The following ZNF558 variants were observed in gnomAD, a reference collection of about 807,000 sequenced individuals.
ZNF558 encodes the protein zinc finger protein 558.
ZNF558 carries 23 observed loss-of-function variants against 37.6 expected under a neutral mutation model. That is an observed-to-expected ratio of 0.61 (90% CI 0.44 to 0.87). The LOEUF (loss-of-function observed/expected upper bound fraction) is 0.87. Ranked by LOEUF, ZNF558 falls within the 40% of genes least tolerant of loss-of-function variation. ZNF558 has a pLI of 0.00. For missense variants in ZNF558, 429 were observed against 483.7 expected, an observed-to-expected ratio of 0.89 and a Z score of 1.06; for synonymous variants, 189 against 174.4, an observed-to-expected ratio of 1.08 and a Z score of -0.66.
upstream of ZNF558, among the ~76,000 whole-genome samples, chr19:8,833,708 G>A (rs1025486487): frequency 6.6e-6 from 1 of 152,088 alleles, no homozygotes; most frequent in Non-Finnish European, 1.5e-5. Flanking sequence ...CTAAGTGCTG[G>A]TTGGACCTGG....
chr19:8,828,932 C>A, intron 2 of ZNF558, among the ~76,000 whole-genome samples: 1 of 150,060 alleles, frequency 6.7e-6, no homozygotes, highest in Non-Finnish European at 1.5e-5. Flanking sequence ...CATTGCACTC[C>A]AGCCTGGGTG....
chr19:8,822,055 C>T lies in ZNF558; in HGVS notation c.68G>A (p.Gly23Glu). ...AACCAGCTCTCCGCCCTGTGTGTGT[C>T]CTTTTTGCTGAGAGGCTGGGAACAG... ...SSLFPASQQK[G>E]HTQGGELVNE... The change falls in exon 6 of 10, where the codon GGA becomes GAA. Residue 23 changes from glycine to glutamate, a missense_variant. Physicochemically the swap from Gly to Glu is moderately conservative, Grantham distance 98. Coordinates refer to ENST00000601372, the MANE Select transcript of ZNF558 (RefSeq NM_144693.3). This position sits in a 1 kb window ranked among gnomAD's most constrained non-coding sequence, Gnocchi z 4.4. The T allele has an allele frequency of 6.2e-7, 1 of 1,614,076 alleles. No homozygotes were observed. Among genetic ancestry groups the T allele is most frequent in the Non-Finnish European group, 8.5e-7 (1 of 1,179,970 alleles).
rs970770045 is a variant in ZNF558, at chr19:8,812,610, G to T, written c.377C>A (p.Thr126Asn). 1.2e-6 allele frequency: 2 copies of T among 1,604,466 alleles called. No homozygotes were observed. The highest frequency in any genetic ancestry group is 1.7e-6 in the Non-Finnish European group (2 of 1,177,696). The stretch of plus-strand genomic sequence containing the variant: ...TTTTCTGAAAACATTCTTCTTAGGA[G>T]TTAACCATTTGGCTTTAAGTAGAGT... ...LETLLKAKWL[T>N]PKKNVFRKEQ... The change falls in exon 9 of 10, where the codon ACT becomes AAT. Residue 126 changes from threonine to asparagine, a missense_variant. Coordinates refer to ENST00000601372, the MANE Select transcript of ZNF558 (RefSeq NM_144693.3).
In ZNF558 at chr19:8,811,440, G is replaced by A; in HGVS notation, c.1050C>T (p.Cys350=). 1 of 1,614,082 alleles carries A rather than the reference G, an allele frequency of 6.2e-7. No homozygotes were observed. The highest frequency in any genetic ancestry group is 8.5e-7 in the Non-Finnish European group (1 of 1,179,998). Residue 350 remains cysteine, a synonymous_variant, in exon 10 of 10, where the codon TGC becomes TGT. Transcript: ENST00000601372. ...RIHTGEKPYE[C]SDCGKAFNNL... ...TATTAAAGGCTTTTCCACAGTCACT[G>A]CACTCGTAGGGTTTCTCTCCGGTAT...
rs112530348 is a variant in ZNF558 at position 8,823,202 on chromosome 19, G to A, written c.-65-478C>T. 4.5e-3 allele frequency among the ~76,000 whole-genome samples: 680 copies of A among 151,834 alleles called. 4 individuals carry two copies. Among genetic ancestry groups the A allele is most frequent in the South Asian group, 0.016 (77 of 4,790 alleles). On this transcript the variant is annotated intron_variant, in intron 4 of 9. Transcript: ENST00000601372. ...GGTCCCCTCAGCCTTGGTCATCACC[G>A]GGCACTGTCCCACCACCCAGAACAA... is the stretch of plus-strand genomic sequence containing the variant.
At chr19:8,832,091 C>T (rs898462419) in intron 1 of ZNF558, 118 bp downstream of exon 1, 7 of 152,264 alleles carry the variant, frequency 4.6e-5, no homozygotes, top group African/African-American at 1.7e-4. Flanking sequence ...AAGCTCACAG[C>T]CCGAGGCCTC....
chr19:8,811,971 A>C lies in ZNF558; in HGVS notation c.519T>G (p.Ile173Met), dbSNP rs1555768336. Residue 173 changes from isoleucine (I) to methionine (M), a missense_variant, in exon 10 of 10, where the codon ATT (isoleucine) becomes ATG (methionine). By Grantham distance (10) the Ile-to-Met change is conservative. Transcript: ENST00000601372. Reference protein sequence around the residue: ...TKSNLTQHKRIHTGEKPYDCS... With the variant: ...TKSNLTQHKRMHTGEKPYDCS... ...AGTCATAGGGTTTTTCTCCAGTATG[A>C]ATTCTCTTGTGCTGAGTTAGGTTAG... 1.9e-6 allele frequency: 3 copies of C among 1,614,106 alleles called. No individual in the cohort carries two copies. Among genetic ancestry groups the C allele is most frequent in the Non-Finnish European group, 2.5e-6 (3 of 1,179,998 alleles).
chr19:8,812,530 G>T (rs533974340), intron 9 of ZNF558, 31 bp downstream of exon 9: 1 of 1,463,976 alleles, frequency 6.8e-7, no homozygotes, highest in Admixed American at 2.4e-5. Context: ...TCCTACTGTA[G>T]AAAACCAGAA....
intron 7 of ZNF558, among the ~76,000 whole-genome samples, chr19:8,820,884 G>A (rs1161318048): frequency 1.3e-5 from 2 of 152,176 alleles, no homozygotes; most frequent in Non-Finnish European, 1.5e-5. Context: ...AATTCCTAAA[G>A]ACAGACACCA....
At chr19:8,821,406 A>G in intron 6 of ZNF558, 100 bp from the exon 7 acceptor site, 1 of 1,609,124 alleles carries the variant, frequency 6.2e-7, no homozygotes, top group Non-Finnish European at 8.5e-7. Flanking sequence ...GGGAAACCTG[A>G]GCACGAGATG....
At chr19:8,825,266 A>G (rs1159267804) in intron 2 of ZNF558, among the ~76,000 whole-genome samples, 158 bp from the exon 3 acceptor site, 1 of 152,258 alleles carries the variant, frequency 6.6e-6, no homozygotes, top group African/African-American at 2.4e-5. Flanking sequence ...AGAGGATTGA[A>G]AACACCACAA....
intron 7 of ZNF558, among the ~76,000 whole-genome samples, chr19:8,814,363 G>A (rs773124837): frequency 2.0e-5 from 3 of 152,118 alleles, no homozygotes; most frequent in Non-Finnish European, 4.4e-5. Flanking sequence ...TCAGGACTGA[G>A]CTGGTTACCT....
At chr19:8,827,496 C>T (rs1170435708) in intron 2 of ZNF558, among the ~76,000 whole-genome samples, 1 of 151,372 alleles carries the variant, frequency 6.6e-6, no homozygotes, top group African/African-American at 2.4e-5. Flanking sequence ...GGCCTGAGAA[C>T]AGAGTCTGAA....
chr19:8,811,407 T>C lies in ZNF558; in HGVS notation c.1083A>G (p.Ser361=). The C allele has an allele frequency of 2.5e-6, 4 of 1,614,058 alleles. No homozygotes were observed. Among genetic ancestry groups the C allele is most frequent in the African/African-American group, 1.3e-5 (1 of 75,016 alleles). The change falls in exon 10 of 10, where the codon TCA becomes TCG. Residue 361 remains serine (S), a synonymous_variant. Coordinates refer to ENST00000601372, the MANE Select transcript of ZNF558 (RefSeq NM_144693.3). ...SDCGKAFNNL[S]AVKKHLRTHT... is the part of the protein sequence containing the mutation. ...GAGTTCTTAAGTGTTTCTTCACAGC[T>C]GAGAGATTATTAAAGGCTTTTCCAC...
intron 7 of ZNF558, among the ~76,000 whole-genome samples, chr19:8,815,144 C>G (rs1555769884): frequency 6.6e-6 from 1 of 152,102 alleles, no homozygotes. Flanking sequence ...GAAATTGTCC[C>G]TTCAGAAGTT....
At chr19:8,823,990 G>C (rs2044172288) in intron 4 of ZNF558, 92 bp downstream of exon 4, 1 of 152,890 alleles carries the variant, frequency 6.5e-6, no homozygotes, top group South Asian at 2.1e-4. Flanking sequence ...TCCCCTCTGT[G>C]GTAACTGCTT....
chr19:8,833,139 C>A, upstream of ZNF558: 1 of 152,356 alleles, frequency 6.6e-6, no homozygotes, highest in Non-Finnish European at 1.5e-5. Flanking sequence ...TTGGGATAGG[C>A]CCAGGAGCCA....
intron 7 of ZNF558, among the ~76,000 whole-genome samples, chr19:8,815,184 A>G (rs1271446707): frequency 1.3e-5 from 2 of 152,246 alleles, no homozygotes; most frequent in Non-Finnish European, 2.9e-5. Flanking sequence ...GACAAGTAAA[A>G]TAAGTCAACT....
In ZNF558 at chr19:8,809,576, T is replaced by TG. The variant is rs1555767007; in HGVS notation, c.*1704dup. ...CAAAAATACCACTACATTAGAAAAATGTGTTTATAAATACTAATTTCCATT... is the reference window on the plus strand; with the variant it reads ...CAAAAATACCACTACATTAGAAAAATGGTGTTTATAAATACTAATTTCCATT... On this transcript the variant is annotated 3_prime_UTR_variant, in exon 10 of 10. Transcript: ENST00000601372. 1.3e-5 allele frequency: 2 copies of TG among 152,146 alleles called. No homozygotes were observed. Among genetic ancestry groups the TG allele is most frequent in the Non-Finnish European group, 2.9e-5 (2 of 68,046 alleles). 9.4% of individuals were successfully genotyped at this position (152,146 alleles called of 1,614,324 possible).
Sources: allele counts gnomAD v4.1 joint callset (sites outside exome capture counted in the v4.1 genomes callset), GRCh38; gene constraint gnomAD v4.1.1; non-coding constraint Gnocchi (gnomAD v3.1); transcripts MANE v1.5; gene names NCBI Gene and HGNC (gene_info 2026-07-23, HGNC 2026-07-21).